The following GHRHR variants were observed in gnomAD, a reference collection of about 807,000 sequenced individuals.
GHRHR encodes growth hormone releasing hormone receptor.
A neutral mutation model predicts 58.3 loss-of-function variants in GHRHR; 40 were observed. That is an observed-to-expected ratio of 0.69 (90% CI 0.53 to 0.89). The LOEUF is 0.89. Ranked by LOEUF, GHRHR falls within the 40% of genes least tolerant of loss-of-function variation. GHRHR has a pLI of 0.00. For synonymous variants in GHRHR, 249 were observed against 216.6 expected, an observed-to-expected ratio of 1.15 and a Z score of -1.31; for missense variants, 551 against 541.3, an observed-to-expected ratio of 1.02 and a Z score of -0.18.
At chr7:30,974,613 G>T (rs1792541071) in intron 8 of GHRHR, 124 bp downstream of exon 8, 2 of 773,250 alleles carry the variant, frequency 2.6e-6, no homozygotes, top group Non-Finnish European at 4.7e-6. Context: ...GGCTAGGATG[G>T]GGGGTGGGAG....
chr7:30,967,849 A>G (rs1332433183), intron 1 of GHRHR, among the ~76,000 whole-genome samples: 3 of 152,174 alleles, frequency 2.0e-5, no homozygotes, highest in Non-Finnish European at 4.4e-5. Flanking sequence ...TGCACCCCTA[A>G]AAGCAGAGAC....
rs200743419 is a variant in GHRHR at position 30,977,322 on chromosome 7, G to A, written c.1146G>A (p.Glu382=). Residue 382 remains glutamate (E), a splice_region_variant and synonymous_variant, in exon 12 of 13, where the codon GAG becomes GAA. Transcript: ENST00000326139. Reference sequence around the variant, plus strand: ...TCCTCTACTGCTTCCTCAACCAAGAGGTGTGTGATTTTTGAGGCTATCCCT... The same window carrying A: ...TCCTCTACTGCTTCCTCAACCAAGAAGTGTGTGATTTTTGAGGCTATCCCT... ...VAILYCFLNQ[E]VRTEISRKWH... The A allele has an allele frequency of 1.2e-5, 19 of 1,613,748 alleles. No homozygotes were observed. The highest frequency in any genetic ancestry group is 1.7e-5 in the Admixed American group (1 of 59,996).
Position 30,974,991 on chromosome 7 carries a change from C to T in GHRHR, c.833C>T (p.Thr278Ile). The change falls in exon 9 of 13, where the codon ACC becomes ATC. Residue 278 changes from threonine to isoleucine, a missense_variant. By Grantham distance (89) the Thr-to-Ile change is moderately conservative (BLOSUM62 -1). Coordinates refer to ENST00000326139, the MANE Select transcript of GHRHR (RefSeq NM_000823.4). The part of the protein sequence containing the change: ...EDIACWDLDD[T>I]SPYWWIIKGP... ...CCCAGGTGCTGGGACCTGGACGACACCTCCCCCTACTGGTGGATCATCAAA... is the reference window on the plus strand; with the variant it reads ...CCCAGGTGCTGGGACCTGGACGACATCTCCCCCTACTGGTGGATCATCAAA... 1 of 1,612,882 alleles carries T rather than the reference C, an allele frequency of 6.2e-7. No homozygotes were observed. The highest frequency in any genetic ancestry group is 8.5e-7 in the Non-Finnish European group (1 of 1,178,884).
intron 4 of GHRHR, among the ~76,000 whole-genome samples, chr7:30,970,640 C>T (rs914328447): frequency 5.3e-5 from 8 of 152,252 alleles, no homozygotes; most frequent in Non-Finnish European, 1.0e-4. Context: ...CCTCTATCTT[C>T]AGGGCCAGGC....
chr7:30,969,479 A>G (rs1792436062), intron 3 of GHRHR: 1 of 593,748 alleles, frequency 1.7e-6, no homozygotes, highest in Non-Finnish European at 3.0e-6. Context: ...CCTGACTGCC[A>G]AGACACCACC....
chr7:30,969,390 G>A, intron 3 of GHRHR: 2 of 615,878 alleles, frequency 3.2e-6, no homozygotes, highest in Non-Finnish European at 5.9e-6. Flanking sequence ...TTAGAGTGCA[G>A]AACCTGTAAG....
At chr7:30,973,920 G>A in intron 6 of GHRHR, 65 bp from the exon 7 acceptor site, 1 of 1,509,562 alleles carries the variant, frequency 6.6e-7, no homozygotes, top group Non-Finnish European at 9.2e-7. Context: ...GAGTAGGGTA[G>A]AGGAGACTGG....
rs142269866 is a variant in GHRHR at position 30,974,263 on chromosome 7, C to T, written c.751+125C>T. 8.3e-5 allele frequency: 102 copies of T among 1,224,086 alleles called. 1 individual carries two copies. Among genetic ancestry groups the T allele is most frequent in the African/African-American group, 8.0e-4 (54 of 67,370 alleles). 75.8% of individuals were successfully genotyped at this position (1,224,086 alleles called of 1,614,324 possible). ...AGAAGGAGAGGGACAGGCCACAGTC[C>T]GGCAGCAAGTGTTGGAGGGTGGGAC... On this transcript the variant is annotated intron_variant, in intron 7 of 12. Coordinates refer to ENST00000326139, the MANE Select transcript of GHRHR (RefSeq NM_000823.4).
chr7:30,965,421 G>GT (rs1409645518), intron 1 of GHRHR, among the ~76,000 whole-genome samples: 23 of 99,024 alleles, frequency 2.3e-4, no homozygotes, highest in Non-Finnish European at 3.8e-4. Context: ...CACGATGTGT[G>GT]TGGGGGGGTG....
intron 1 of GHRHR, among the ~76,000 whole-genome samples, chr7:30,968,630 C>CT (rs1295290463): frequency 2.2e-5 from 3 of 134,360 alleles, no homozygotes; most frequent in Admixed American, 7.2e-5. Flanking sequence ...CCCTCCCTCC[C>CT]TCCCTCCCTC....
rs1466371248 is a variant in GHRHR, at chr7:30,971,192, C to G, written c.440C>G (p.Ala147Gly). 12 of 1,492,902 alleles carry G rather than the reference C, an allele frequency of 8.0e-6. No homozygotes were observed. Among genetic ancestry groups the G allele is most frequent in the Non-Finnish European group, 9.2e-7 (1 of 1,090,482 alleles). 92.5% of individuals were successfully genotyped at this position (1,492,902 alleles called of 1,614,324 possible). A position where few individuals can be genotyped will look rare whatever the true frequency, so the allele number is the denominator to read the frequency against. ...ATCTCTATTGTAGCCCTCTTCGTGG[C>G]CATCACCATCCTGGTTGCTCTCAGG... ...HSISIVALFVAITILVALRRL... is the reference protein window; with the variant it reads ...HSISIVALFVGITILVALRRL... Residue 147 changes from alanine (A) to glycine (G), a missense_variant, in exon 5 of 13, where the codon GCC (alanine) becomes GGC (glycine). By Grantham distance (60) the Ala-to-Gly change is moderately conservative. Transcript: ENST00000326139.
chr7:30,973,905 T>C, intron 6 of GHRHR, 80 bp from the exon 7 acceptor site: 1 of 1,421,944 alleles, frequency 7.0e-7, no homozygotes, highest in Admixed American at 1.7e-5. Context: ...GGAGGTTCTG[T>C]ATCTGAGTAG....
chr7:30,966,249 G>A (rs370016479), intron 1 of GHRHR, among the ~76,000 whole-genome samples: 1 of 152,152 alleles, frequency 6.6e-6, no homozygotes, highest in Non-Finnish European at 1.5e-5. Flanking sequence ...TCCCCACTCT[G>A]GTGGTCAAAG....
rs141633743 is a variant in GHRHR, at chr7:30,970,121, G to A, written c.366+157G>A. ...CAGTGAAGTGTCTGGAGGAGATGGG[G>A]TCTTTTGCTAAGTTACTGAAGGGTG... On this transcript the variant is annotated intron_variant, in intron 4 of 12. Transcript: ENST00000326139. Among the ~76,000 whole-genome samples the A allele has an allele frequency of 6.1e-4, 93 of 152,266 alleles. 1 individual carries two copies. The highest frequency in any genetic ancestry group is 2.0e-3 in the African/African-American group (83 of 41,546).
At chr7:30,964,248 G>A (rs957311024) in intron 1 of GHRHR, 123 bp downstream of exon 1, 23 of 887,260 alleles carry the variant, frequency 2.6e-5, no homozygotes, top group African/African-American at 2.0e-4. Context: ...CCCTCCCTAC[G>A]AGCAGGTGGC....
intron 4 of GHRHR, among the ~76,000 whole-genome samples, chr7:30,970,510 CTG>C (rs1244477633): frequency 6.6e-6 from 1 of 152,250 alleles, no homozygotes. Flanking sequence ...TAAAGCATGA[CTG>C]TAACCATTTT....
At chr7:30,970,517 C>A (rs1792460922) in intron 4 of GHRHR, among the ~76,000 whole-genome samples, 1 of 152,244 alleles carries the variant, frequency 6.6e-6, no homozygotes, top group African/African-American at 2.4e-5. Context: ...TGACTGTAAC[C>A]ATTTTTCAGA....
chr7:30,977,490 A>C (rs1285192487), intron 12 of GHRHR, among the ~76,000 whole-genome samples, 168 bp downstream of exon 12: 1 of 152,158 alleles, frequency 6.6e-6, no homozygotes, highest in Admixed American at 6.5e-5. Flanking sequence ...GCTGAACCGG[A>C]ATGTTTCCTG....
In GHRHR at chr7:30,964,104, C is replaced by A; in HGVS notation, c.36C>A (p.Cys12Ter). 6.5e-7 allele frequency: 1 copy of A among 1,549,764 alleles called. No homozygotes were observed. Among genetic ancestry groups the A allele is most frequent in the Non-Finnish European group, 8.7e-7 (1 of 1,146,914 alleles). ...GGATGTGGGGGGCCCACGTCTTCTG[C>A]GTGTTGAGCCCGTTACCGACCGTGA... ...DRRMWGAHVFCVLSPLPTVLG... is the reference protein window; with the variant it reads ...DRRMWGAHVF Residue 12 changes from cysteine (C) to a stop codon, truncating the protein, a stop_gained, in exon 1 of 13, where the codon TGC (cysteine) becomes TGA (stop). Transcript: ENST00000326139. LOFTEE classifies it high-confidence loss of function.
Sources: gnomAD v4.1 joint callset for allele counts (sites outside exome capture counted in the v4.1 genomes callset) on GRCh38, gnomAD v4.1.1 for gene constraint, MANE v1.5 for transcripts, NCBI Gene and HGNC (gene_info 2026-07-23, HGNC 2026-07-21) for gene names.